RNF180: variants seen among roughly 807,000 people sequenced by gnomAD.
The protein encoded by RNF180 is E3 ubiquitin-protein ligase RNF180.
Under a neutral mutation model 59.2 loss-of-function variants are expected in RNF180, and 38 were observed. The ratio of observed to expected loss-of-function variants is 0.64; its 90% CI spans 0.50 to 0.84. RNF180 has a LOEUF of 0.84. Ranked by LOEUF, RNF180 falls within the 40% of genes least tolerant of loss-of-function variation. The probability of loss-of-function intolerance (pLI) is 0.00; values close to 1 mark genes in which losing one functional copy is unlikely to be tolerated. For missense variants in RNF180, 705 were observed against 700.9 expected, an observed-to-expected ratio of 1.01 and a Z score of -0.07; for synonymous variants, 262 against 240.3, an observed-to-expected ratio of 1.09 and a Z score of -0.84.
intron 5 of RNF180, among the ~76,000 whole-genome samples, chr5:64,260,740 G>C (rs968073930): frequency 5.8e-4 from 89 of 152,222 alleles, no homozygotes; most frequent in African/African-American, 2.1e-3. Context: ...GAGATCTTCA[G>C]CTTTGTTTAA....
chr5:64,284,722 A>G (rs766109797), intron 5 of RNF180, among the ~76,000 whole-genome samples: 7 of 152,030 alleles, frequency 4.6e-5, no homozygotes, highest in Non-Finnish European at 8.8e-5. Context: ...CATCTTTACT[A>G]TTTTATTGTA....
chr5:64,202,680 G>A (rs1176890860), intron 2 of RNF180, among the ~76,000 whole-genome samples: 1 of 152,150 alleles, frequency 6.6e-6, no homozygotes, highest in Non-Finnish European at 1.5e-5. Flanking sequence ...TGGACGTATA[G>A]TGGTATATCA....
Position 64,212,049 on chromosome 5 carries a change from T to C in RNF180, c.136-16T>C. On this transcript the variant is annotated splice_polypyrimidine_tract_variant and intron_variant, in intron 2 of 7. Coordinates refer to ENST00000389100, the MANE Select transcript of RNF180 (RefSeq NM_001113561.2). ...TGAACTGGTAATTAGTAATATCATT[T>C]ATTTTTATTTAACAGGATAAAGATG... The C allele has an allele frequency of 7.1e-7, 1 of 1,415,194 alleles. No individual in the cohort carries two copies. The highest frequency in any genetic ancestry group is 1.0e-6 in the Non-Finnish European group (1 of 1,003,944). The allele number at this position is 1,415,194 out of a possible 1,614,324, so 87.7% of individuals were successfully genotyped here. A position where few individuals can be genotyped will look rare whatever the true frequency, so the allele number is the denominator to read the frequency against.
At chr5:64,358,120 A>G (rs1254126920) in intron 7 of RNF180, among the ~76,000 whole-genome samples, 1 of 151,768 alleles carries the variant, frequency 6.6e-6, no homozygotes, top group Non-Finnish European at 1.5e-5. Flanking sequence ...TGAGATTACA[A>G]TTTTCACTGA....
At chr5:64,180,635 T>G (rs944449053) in intron 1 of RNF180, among the ~76,000 whole-genome samples, 1 of 152,214 alleles carries the variant, frequency 6.6e-6, no homozygotes, top group African/African-American at 2.4e-5. Flanking sequence ...GGAATTTCTC[T>G]ACTTTAGCAC....
At chr5:64,268,932 C>T (rs1294818326) in intron 5 of RNF180, among the ~76,000 whole-genome samples, 1 of 152,110 alleles carries the variant, frequency 6.6e-6, no homozygotes, top group African/African-American at 2.4e-5. Flanking sequence ...TAAAAATTCT[C>T]TATCAGGAAA....
intron 5 of RNF180, among the ~76,000 whole-genome samples, chr5:64,249,954 A>G (rs1743456245): frequency 6.6e-6 from 1 of 152,188 alleles, no homozygotes; most frequent in South Asian, 2.1e-4. Context: ...ACTACTCTAG[A>G]TCAAATGGAC....
chr5:64,273,340 C>A (rs1306056409), intron 5 of RNF180, among the ~76,000 whole-genome samples: 1 of 151,946 alleles, frequency 6.6e-6, no homozygotes, highest in East Asian at 1.9e-4. Context: ...AGCCAACCAG[C>A]AGCCCTCAGG....
At chr5:64,345,087 T>C (rs1745503927) in intron 7 of RNF180, among the ~76,000 whole-genome samples, 1 of 152,066 alleles carries the variant, frequency 6.6e-6, no homozygotes, top group East Asian at 1.9e-4. Flanking sequence ...TTGCAAGGTA[T>C]AACTTAAAAA....
chr5:64,286,429 C>T (rs1742287860), intron 5 of RNF180, among the ~76,000 whole-genome samples: 1 of 152,110 alleles, frequency 6.6e-6, no homozygotes, highest in Non-Finnish European at 1.5e-5. Context: ...AAGCCCAAAC[C>T]CTTAACTCCA....
chr5:64,326,049 A>G (rs7706922), intron 6 of RNF180, among the ~76,000 whole-genome samples: 7,396 of 152,202 alleles, frequency 0.049, 595 homozygotes, highest in African/African-American at 0.16. Flanking sequence ...GGTGCTAAAT[A>G]TTAGGTGGGA....
At chr5:64,201,470 T>G (rs1751744187) in intron 2 of RNF180, among the ~76,000 whole-genome samples, 2 of 152,194 alleles carry the variant, frequency 1.3e-5, no homozygotes, top group East Asian at 3.8e-4. Flanking sequence ...AAATAAAAAT[T>G]TCTTCTCTAA....
intron 5 of RNF180, among the ~76,000 whole-genome samples, chr5:64,305,298 C>T (rs574210522): frequency 1.3e-5 from 2 of 151,438 alleles, no homozygotes; most frequent in Admixed American, 1.3e-4. Flanking sequence ...TAACTTTTAT[C>T]TTTCACTGGT....
rs146154028 is a variant in RNF180 at position 64,218,558 on chromosome 5, T to C, written c.1227+1162T>C. Among the ~76,000 whole-genome samples the C allele has an allele frequency of 5.5e-3, 832 of 152,338 alleles. 28 individuals are homozygous for C. Among genetic ancestry groups the C allele is most frequent in the Admixed American group, 0.05 (763 of 15,300 alleles). On this transcript the variant is annotated intron_variant, in intron 5 of 7. Coordinates refer to ENST00000389100, the MANE Select transcript of RNF180 (RefSeq NM_001113561.2). The stretch of plus-strand genomic sequence containing the variant: ...AAAATGGTTTAGCTATTTTAATTTT[T>C]TGACTTTCCATATAAAACTTAAAAT...
At chr5:64,255,344 C>T (rs1743871105) in intron 5 of RNF180, among the ~76,000 whole-genome samples, 1 of 152,044 alleles carries the variant, frequency 6.6e-6, no homozygotes, top group African/African-American at 2.4e-5. Flanking sequence ...CAAATGCTAT[C>T]CCCCTCGCCC....
intron 6 of RNF180, among the ~76,000 whole-genome samples, chr5:64,325,896 A>C (rs1049728538): frequency 2.6e-5 from 4 of 152,202 alleles, no homozygotes; most frequent in Admixed American, 6.5e-5. Flanking sequence ...ACAGGAAAAA[A>C]GTCAAATTGG....
intron 5 of RNF180, among the ~76,000 whole-genome samples, chr5:64,266,212 T>C (rs1744669541): frequency 6.6e-6 from 1 of 152,200 alleles, no homozygotes; most frequent in African/African-American, 2.4e-5. Context: ...TACGCTTTAT[T>C]TATTTCTTTT....
At chr5:64,300,637 T>C (rs1743115181) in intron 5 of RNF180, among the ~76,000 whole-genome samples, 1 of 151,708 alleles carries the variant, frequency 6.6e-6, no homozygotes, top group Non-Finnish European at 1.5e-5. Flanking sequence ...TGTTCAAATA[T>C]CTGAGAATTA....
intron 7 of RNF180, among the ~76,000 whole-genome samples, chr5:64,338,984 A>G (rs1238846444): frequency 1.3e-5 from 2 of 151,944 alleles, no homozygotes; most frequent in Non-Finnish European, 2.9e-5. Context: ...TTTATTTTTT[A>G]TACTGTGTTT....
Sources: gnomAD v4.1 joint callset for allele counts (sites outside exome capture counted in the v4.1 genomes callset) on GRCh38, gnomAD v4.1.1 for gene constraint, MANE v1.5 for transcripts, NCBI Gene and HGNC (gene_info 2026-07-23, HGNC 2026-07-21) for gene names.